The following MYO3A variants were observed in gnomAD, a reference collection of about 807,000 sequenced individuals.
The protein encoded by MYO3A is myosin IIIA, also known as myosin-IIIa.
MYO3A carries 180 observed loss-of-function variants against 192.7 expected under a neutral mutation model. The observed-to-expected ratio is 0.93, with a 90% CI of 0.83 to 1.06. The LOEUF (loss-of-function observed/expected upper bound fraction) is 1.06, where lower values mean the gene tolerates loss of function less well. Among genes scored for constraint, MYO3A ranks in the 50% least tolerant of loss-of-function variants. The probability of loss-of-function intolerance (pLI) is 0.00; values close to 1 mark genes in which losing one functional copy is unlikely to be tolerated. For missense variants in MYO3A, 1,896 were observed against 1,905.0 expected, an observed-to-expected ratio of 1.00 and a Z score of 0.09; for synonymous variants, 628 against 645.3, an observed-to-expected ratio of 0.97 and a Z score of 0.41.
At chr10:26,109,977 G>A (rs138495157) in intron 17 of MYO3A, among the ~76,000 whole-genome samples, 4 of 152,228 alleles carry the variant, frequency 2.6e-5, no homozygotes, top group Non-Finnish European at 5.9e-5. Context: ...CCCCCAAAGA[G>A]TTCTGATTTT....
intron 22 of MYO3A, 39 bp downstream of exon 22, chr10:26,145,573 G>A (rs773176502): frequency 3.6e-6 from 5 of 1,405,232 alleles, no homozygotes; most frequent in South Asian, 3.5e-5. Flanking sequence ...TTTCTCCTTA[G>A]CCTTTTAATG....
chr10:26,100,448 T>A (rs1375918711), intron 17 of MYO3A, among the ~76,000 whole-genome samples: 1 of 152,228 alleles, frequency 6.6e-6, no homozygotes, highest in Non-Finnish European at 1.5e-5. Flanking sequence ...TTCTGCTAGC[T>A]TTTGAATGTG....
At chr10:26,055,349 A>G (rs1399960485) in intron 10 of MYO3A, among the ~76,000 whole-genome samples, 3 of 152,160 alleles carry the variant, frequency 2.0e-5, no homozygotes, top group Non-Finnish European at 4.4e-5. Context: ...AAAATGAAAA[A>G]TCAACAACTC....
chr10:25,940,799 T>C (rs1836439194), intron 2 of MYO3A, among the ~76,000 whole-genome samples: 1 of 152,220 alleles, frequency 6.6e-6, no homozygotes, highest in South Asian at 2.1e-4. Flanking sequence ...CCAATTATTT[T>C]CCTCTGTATG....
chr10:25,949,503 G>A (rs1164515591), intron 2 of MYO3A, among the ~76,000 whole-genome samples: 1 of 152,110 alleles, frequency 6.6e-6, no homozygotes, highest in Non-Finnish European at 1.5e-5. Context: ...GTAAGAAGTA[G>A]TGATTTTGTC....
At position 25,996,497 on chromosome 10, in the gene MYO3A, G is replaced by T; in HGVS notation, c.311G>T (p.Ser104Ile). 1.9e-6 allele frequency: 3 copies of T among 1,613,620 alleles called. No homozygotes were observed. The highest frequency in any genetic ancestry group is 1.3e-5 in the African/African-American group (1 of 75,052). ...TAAAATATTCTTGTTTAGCTCTGCA[G>T]TGGAGGATCAGTGACTGACCTTGTG... ...DKLWLVLELC[S>I]GGSVTDLVKG... Residue 104 changes from serine (S) to isoleucine (I), a missense_variant, in exon 5 of 35, where the codon AGT becomes ATT. Ser to Ile is a moderately radical substitution (Grantham distance 142). Transcript: ENST00000642920.
At chr10:25,976,945 T>C (rs1359371443) in intron 4 of MYO3A, among the ~76,000 whole-genome samples, 1 of 152,202 alleles carries the variant, frequency 6.6e-6, no homozygotes, top group African/African-American at 2.4e-5. Context: ...CGGTATTTAC[T>C]TTTCATTTAA....
At position 26,008,843 on chromosome 10, in the gene MYO3A, A is replaced by G. The variant is rs1238453150; in HGVS notation, c.509-7977A>G. 2.6e-5 allele frequency among the ~76,000 whole-genome samples: 4 copies of G among 151,974 alleles called. No individual in the cohort carries two copies. The East Asian group carries it at 7.7e-4, about 29-fold the overall frequency. On this transcript the variant is annotated intron_variant, in intron 6 of 34. Coordinates refer to ENST00000642920, the MANE Select transcript of MYO3A (RefSeq NM_017433.5). ...GGCGATTCCTCAGGGATCTAGAACT[A>G]GAAATACCATTTGACCCAGCCATCC...
At chr10:26,066,838 T>G (rs1439948747) in intron 10 of MYO3A, 137 bp from the exon 11 acceptor site, 2 of 651,394 alleles carry the variant, frequency 3.1e-6, no homozygotes, top group African/African-American at 3.6e-5. Flanking sequence ...TCAAATATAT[T>G]AGGCTATTTT....
At chr10:26,078,632 G>C (rs2131443817) in intron 14 of MYO3A, among the ~76,000 whole-genome samples, 1 of 152,014 alleles carries the variant, frequency 6.6e-6, no homozygotes, top group East Asian at 1.9e-4. Context: ...CAGTTTTTTT[G>C]ATGTAAGCAT....
intron 2 of MYO3A, among the ~76,000 whole-genome samples, chr10:25,941,236 C>G (rs976165445): frequency 2.6e-5 from 4 of 152,132 alleles, no homozygotes; most frequent in African/African-American, 4.8e-5. Flanking sequence ...ACCCAGAATC[C>G]GAGGCTATCT....
chr10:26,080,684 T>C (rs1835870380), intron 14 of MYO3A, among the ~76,000 whole-genome samples: 1 of 152,168 alleles, frequency 6.6e-6, no homozygotes, highest in South Asian at 2.1e-4. Flanking sequence ...GGGTAGGCTC[T>C]ATCAGAGGGA....
At chr10:25,980,042 C>T (rs559136681) in intron 4 of MYO3A, among the ~76,000 whole-genome samples, 41 of 152,240 alleles carry the variant, frequency 2.7e-4, no homozygotes, top group Admixed American at 7.2e-4. Context: ...TGAGACCATC[C>T]TGGATAACAC....
intron 10 of MYO3A, among the ~76,000 whole-genome samples, chr10:26,064,378 T>C (rs1197648792): frequency 6.6e-6 from 1 of 152,082 alleles, no homozygotes. Flanking sequence ...TTGGAAAGAA[T>C]TGAGTAGGAG....
chr10:26,007,434 G>A (rs1841299806), intron 6 of MYO3A, among the ~76,000 whole-genome samples: 2 of 150,156 alleles, frequency 1.3e-5, no homozygotes, highest in South Asian at 4.2e-4. Flanking sequence ...AAAAGAGGAA[G>A]TCAAATTGTC....
rs143831228 is a variant in MYO3A at position 26,033,253 on chromosome 10, G to A, written c.953+6721G>A. On this transcript the variant is annotated intron_variant, in intron 10 of 34. Transcript: ENST00000642920. ...TGTGCCCGGCTAATTTTTGTATTTT[G>A]TTTTTTTAGTAGAGATGGGGTTTCA... Among the ~76,000 whole-genome samples the A allele has an allele frequency of 2.4e-3, 364 of 151,884 alleles. 2 individuals carry two copies. Among genetic ancestry groups the A allele is most frequent in the African/African-American group, 8.4e-3 (348 of 41,426 alleles).
intron 10 of MYO3A, among the ~76,000 whole-genome samples, chr10:26,056,614 G>C (rs1469066830): frequency 6.6e-6 from 1 of 152,178 alleles, no homozygotes; most frequent in African/African-American, 2.4e-5. Context: ...TTTAGTGTTG[G>C]AGGCTGAGGA....
At chr10:25,953,861 C>T (rs200071110) in intron 3 of MYO3A, among the ~76,000 whole-genome samples, 1 of 152,078 alleles carries the variant, frequency 6.6e-6, no homozygotes, top group Non-Finnish European at 1.5e-5. Context: ...ATTTACTCTT[C>T]ATCATGTCAC....
intron 2 of MYO3A, among the ~76,000 whole-genome samples, chr10:25,945,623 TGTA>T (rs1836785727): frequency 6.6e-6 from 1 of 152,128 alleles, no homozygotes; most frequent in Non-Finnish European, 1.5e-5. Context: ...CTTTGTCTCT[TGTA>T]AAAGTTTATG....
Sources: gnomAD v4.1 joint callset for allele counts (sites outside exome capture counted in the v4.1 genomes callset) on GRCh38, gnomAD v4.1.1 for gene constraint, MANE v1.5 for transcripts, NCBI Gene and HGNC (gene_info 2026-07-23, HGNC 2026-07-21) for gene names.